Variants in SDCCAG8 observed in about 807,000 individuals in gnomAD.
The protein encoded by SDCCAG8 is serologically defined colon cancer antigen 8.
SDCCAG8 carries 74 observed loss-of-function variants against 101.8 expected under a neutral mutation model. The observed-to-expected ratio is 0.73, with a 90% CI of 0.60 to 0.88. The LOEUF (loss-of-function observed/expected upper bound fraction) is 0.88, where lower values mean the gene tolerates loss of function less well. Ranked by LOEUF, SDCCAG8 falls within the 40% of genes least tolerant of loss-of-function variation. The pLI, the probability that SDCCAG8 is intolerant of heterozygous loss-of-function variation, is 0.00. For synonymous variants in SDCCAG8, 281 were observed against 292.9 expected (o/e 0.96, Z 0.41); for missense variants, 787 against 822.6 (o/e 0.96, Z 0.53).
intron 15 of SDCCAG8, among the ~76,000 whole-genome samples, chr1:243,425,992 T>A (rs2081315042): frequency 6.6e-6 from 1 of 152,214 alleles, no homozygotes. Flanking sequence ...AAATTAACCA[T>A]TAAAGAACTA....
In SDCCAG8 at chr1:243,270,175, T is replaced by TGCACCAAATCTTTCTTTTA; in HGVS notation, c.145_163dup (p.Ser55LysfsTer5). ...AAGGCGATGTCACTATTGGAGAAGA[T>TGCACCAAATCTTTCTTTTA]GCACCAAATCTTTCTTTTAGCACCA... On this transcript the variant is annotated frameshift_variant, in exon 2 of 18. Coordinates refer to ENST00000366541, the MANE Select transcript of SDCCAG8 (RefSeq NM_006642.5). LOFTEE classifies it high-confidence loss of function. The TGCACCAAATCTTTCTTTTA allele has an allele frequency of 6.2e-7, 1 of 1,614,246 alleles. No homozygotes were observed. The highest frequency in any genetic ancestry group is 8.5e-7 in the Non-Finnish European group (1 of 1,180,044).
chr1:243,342,237 TAGAG>T (rs1487274348), intron 11 of SDCCAG8, among the ~76,000 whole-genome samples: 2 of 152,202 alleles, frequency 1.3e-5, no homozygotes, highest in Non-Finnish European at 2.9e-5. Context: ...CAGTTGATAA[TAGAG>T]AGGCAGCTTT....
At chr1:243,427,761 G>C (rs907175435) in intron 16 of SDCCAG8, among the ~76,000 whole-genome samples, 4 of 152,144 alleles carry the variant, frequency 2.6e-5, no homozygotes, top group Non-Finnish European at 5.9e-5. Flanking sequence ...GGCACTGCTT[G>C]TCAGTTATCA....
At chr1:243,325,489 G>C (rs2074083332) in intron 9 of SDCCAG8, among the ~76,000 whole-genome samples, 1 of 151,610 alleles carries the variant, frequency 6.6e-6, no homozygotes, top group African/African-American at 2.4e-5. Context: ...TTAGTTCCTT[G>C]ACGTTTGTTG....
intron 1 of SDCCAG8, chr1:243,267,316 A>T: frequency 4.4e-6 from 1 of 228,886 alleles, no homozygotes; most frequent in Non-Finnish European, 8.7e-6. Context: ...GGTCCCGGTC[A>T]CTGGGCGTGG....
At chr1:243,493,855 G>A (rs1391411650) in intron 17 of SDCCAG8, among the ~76,000 whole-genome samples, 1 of 151,824 alleles carries the variant, frequency 6.6e-6, no homozygotes. Context: ...GATGATGAAG[G>A]GAGGAAAGGC....
chr1:243,408,647 C>T (rs2079955594), intron 13 of SDCCAG8, among the ~76,000 whole-genome samples: 1 of 152,158 alleles, frequency 6.6e-6, no homozygotes, highest in Non-Finnish European at 1.5e-5. Flanking sequence ...GAGACTGAAG[C>T]ATAGTGATTC....
At chr1:243,408,085 T>C (rs1237978100) in intron 13 of SDCCAG8, among the ~76,000 whole-genome samples, 2 of 152,206 alleles carry the variant, frequency 1.3e-5, no homozygotes, top group Non-Finnish European at 2.9e-5. Flanking sequence ...CTTGCAAAAA[T>C]AGAGATTATC....
chr1:243,404,220 T>C (rs1573851370), intron 13 of SDCCAG8, among the ~76,000 whole-genome samples: 2 of 152,150 alleles, frequency 1.3e-5, no homozygotes, highest in South Asian at 2.1e-4. Context: ...AGTTTGGATA[T>C]AGTCAGGGCA....
At chr1:243,363,844 T>C (rs973355048) in intron 12 of SDCCAG8, among the ~76,000 whole-genome samples, 13 of 152,228 alleles carry the variant, frequency 8.5e-5, no homozygotes, top group African/African-American at 3.1e-4. Flanking sequence ...ATTGAAGAGA[T>C]GAGTTTACTC....
chr1:243,469,988 C>A (rs1032374992), intron 16 of SDCCAG8, among the ~76,000 whole-genome samples: 12 of 147,568 alleles, frequency 8.1e-5, no homozygotes, highest in African/African-American at 3.2e-4. Context: ...TTCCACCCTT[C>A]TTTGTTACCA....
At chr1:243,355,971 G>A (rs2076356871) in intron 12 of SDCCAG8, among the ~76,000 whole-genome samples, 1 of 152,144 alleles carries the variant, frequency 6.6e-6, no homozygotes, top group African/African-American at 2.4e-5. Flanking sequence ...CTCATATGGA[G>A]AGGTGATTGT....
At chr1:243,439,498 G>A (rs1454111445) in intron 16 of SDCCAG8, among the ~76,000 whole-genome samples, 1 of 151,996 alleles carries the variant, frequency 6.6e-6, no homozygotes, top group East Asian at 1.9e-4. Context: ...GATGGTGGGT[G>A]CCTGTAATCC....
At chr1:243,443,429 T>G (rs2082679831) in intron 16 of SDCCAG8, among the ~76,000 whole-genome samples, 1 of 152,156 alleles carries the variant, frequency 6.6e-6, no homozygotes, top group Non-Finnish European at 1.5e-5. Context: ...GGCAAATCAC[T>G]CAATGGGACT....
chr1:243,269,302 A>ATTT (rs35934186), intron 1 of SDCCAG8: 13 of 120,552 alleles, frequency 1.1e-4, no homozygotes, highest in Non-Finnish European at 1.4e-4. Context: ...CTTGGAGGCT[A>ATTT]TTTTTTTTTT....
At chr1:243,360,845 A>AC (rs755907943) in intron 12 of SDCCAG8, among the ~76,000 whole-genome samples, 5 of 151,972 alleles carry the variant, frequency 3.3e-5, no homozygotes, top group Admixed American at 6.6e-5. Flanking sequence ...ACAAAACAAA[A>AC]AAACAAACAA....
intron 6 of SDCCAG8, among the ~76,000 whole-genome samples, chr1:243,296,707 T>G (rs1271051834): frequency 6.6e-6 from 1 of 151,466 alleles, no homozygotes; most frequent in Non-Finnish European, 1.5e-5. Flanking sequence ...TGCGCCCGGC[T>G]AATTTTTTTT....
At chr1:243,259,888 T>C (rs191640622) in intron 1 of SDCCAG8, among the ~76,000 whole-genome samples, 3 of 152,320 alleles carry the variant, frequency 2.0e-5, no homozygotes, top group African/African-American at 7.2e-5. Context: ...ATTTTGGTAC[T>C]ATTATGGTAT....
intron 4 of SDCCAG8, among the ~76,000 whole-genome samples, chr1:243,281,033 C>T (rs1425498395): frequency 1.3e-5 from 2 of 152,044 alleles, no homozygotes; most frequent in African/African-American, 4.8e-5. Context: ...TTTCCTTTGC[C>T]TCATACATTT....
Sources: gnomAD v4.1 joint callset for allele counts (sites outside exome capture counted in the v4.1 genomes callset) on GRCh38, gnomAD v4.1.1 for gene constraint, MANE v1.5 for transcripts, NCBI Gene and HGNC (gene_info 2026-07-23, HGNC 2026-07-21) for gene names.